Variants in ANO4 observed in about 807,000 individuals in gnomAD.
The protein encoded by ANO4 is anoctamin-4.
A neutral mutation model predicts 141.9 loss-of-function variants in ANO4; 69 were observed. That is an observed-to-expected ratio of 0.49 (90% CI 0.40 to 0.59). ANO4 has a LOEUF of 0.59. Among genes scored for constraint, ANO4 ranks in the 20% least tolerant of loss-of-function variants. ANO4 has a pLI of 0.00. For synonymous variants in ANO4, 350 were observed against 394.3 expected (o/e 0.89, Z 1.33); for missense variants, 894 against 1,162.2 (o/e 0.77, Z 3.36).
At chr12:100,958,505 G>A (rs978032008) in intron 5 of ANO4, among the ~76,000 whole-genome samples, 3 of 152,190 alleles carry the variant, frequency 2.0e-5, no homozygotes, top group Admixed American at 1.3e-4. Flanking sequence ...GAGGGAAACC[G>A]TGAACAATAA....
At position 100,865,609 on chromosome 12, in the gene ANO4, T is replaced by C. The variant is rs376740230; in HGVS notation, c.-140-36037T>C. Among the ~76,000 whole-genome samples the C allele has an allele frequency of 3.3e-5, 5 of 152,090 alleles. No homozygotes were observed. The East Asian group carries it at 9.7e-4, about 29-fold the overall frequency. Reference sequence around the variant, plus strand: ...TGCAAATCAAAAGCACAATGAGATATCATCTCATGCCAGTTAGAATGGTGA... The same window carrying C: ...TGCAAATCAAAAGCACAATGAGATACCATCTCATGCCAGTTAGAATGGTGA... On this transcript the variant is annotated intron_variant, in intron 1 of 27. Coordinates refer to ENST00000392977, the MANE Select transcript of ANO4 (RefSeq NM_001286615.2).
chr12:100,773,413 G>T (rs573640177), intron 3 of ANO4, among the ~76,000 whole-genome samples: 1 of 152,194 alleles, frequency 6.6e-6, no homozygotes, highest in Admixed American at 6.5e-5. Flanking sequence ...CATTGCACAA[G>T]AATATTTATT....
rs541866859 is a variant in ANO4 at position 101,044,770 on chromosome 12, G to A, written c.1251+1135G>A. On this transcript the variant is annotated intron_variant, in intron 13 of 27. Transcript: ENST00000392977. ...TTAGAAAGATTTGAGCTCTTATGTTGCAAGGGACAAAAAAAGCACAAAATG... is the reference window on the plus strand; with the variant it reads ...TTAGAAAGATTTGAGCTCTTATGTTACAAGGGACAAAAAAAGCACAAAATG... 3.3e-5 allele frequency among the ~76,000 whole-genome samples: 5 copies of A among 152,266 alleles called. 1 individual carries two copies. The highest frequency in any genetic ancestry group is 1.2e-4 in the African/African-American group (5 of 41,556).
At chr12:100,954,426 C>T (rs1263732829) in intron 5 of ANO4, among the ~76,000 whole-genome samples, 1 of 152,206 alleles carries the variant, frequency 6.6e-6, no homozygotes, top group African/African-American at 2.4e-5. Context: ...CCTGTAACTA[C>T]CTGCCTGAGA....
At chr12:101,005,567 G>A (rs1234917679) in intron 8 of ANO4, among the ~76,000 whole-genome samples, 1 of 152,110 alleles carries the variant, frequency 6.6e-6, no homozygotes, top group Non-Finnish European at 1.5e-5. Flanking sequence ...TCTGTAACTT[G>A]TAAGGTATGT....
intron 8 of ANO4, among the ~76,000 whole-genome samples, chr12:101,000,498 A>G (rs879389537): frequency 2.6e-5 from 4 of 152,184 alleles, no homozygotes; most frequent in Non-Finnish European, 5.9e-5. Flanking sequence ...CAGAGGTACC[A>G]AGATTGATTT....
chr12:100,747,399 C>T (rs1305192854), intron 3 of ANO4, among the ~76,000 whole-genome samples: 1 of 152,178 alleles, frequency 6.6e-6, no homozygotes, highest in East Asian at 1.9e-4. Flanking sequence ...TCCCTACACC[C>T]CACCTCTCTG....
intron 8 of ANO4, among the ~76,000 whole-genome samples, chr12:101,003,557 C>T (rs2136412857): frequency 6.6e-6 from 1 of 152,258 alleles, no homozygotes; most frequent in South Asian, 2.1e-4. Flanking sequence ...ACAGTATGCT[C>T]AGGAATACCT....
chr12:101,070,708 A>G (rs1279396773), intron 14 of ANO4, among the ~76,000 whole-genome samples: 2 of 152,174 alleles, frequency 1.3e-5, no homozygotes, highest in Admixed American at 6.5e-5. Flanking sequence ...CAAAGGAAAC[A>G]ACATGAAGAG....
Position 101,037,757 on chromosome 12 carries a change from A to C in ANO4, c.897+607A>C, listed in dbSNP as rs192955005. 1.6e-4 allele frequency among the ~76,000 whole-genome samples: 25 copies of C among 152,324 alleles called. No individual in the cohort carries two copies. The East Asian group carries it at 4.8e-3, about 29-fold the overall frequency. On this transcript the variant is annotated intron_variant, in intron 10 of 27. Coordinates refer to ENST00000392977, the MANE Select transcript of ANO4 (RefSeq NM_001286615.2). ...TTCCCCTACACCTGGGTTTTTAGGA[A>C]CATAATCCCTCATGATTATTGAGAA...
intron 1 of ANO4, among the ~76,000 whole-genome samples, chr12:100,895,561 G>GT (rs201323252): frequency 0.051 from 6,638 of 131,026 alleles, 507 homozygotes; most frequent in African/African-American, 0.16. Flanking sequence ...TCTGAGCTTT[G>GT]TTTTTTTTTT....
intron 1 of ANO4, among the ~76,000 whole-genome samples, chr12:100,857,521 A>G (rs1309943531): frequency 2.6e-5 from 4 of 152,124 alleles, no homozygotes; most frequent in Admixed American, 1.3e-4. Context: ...ACTAACTCCA[A>G]TGCAAACCCT....
intron 1 of ANO4, among the ~76,000 whole-genome samples, chr12:100,877,111 G>T (rs922362270): frequency 6.6e-6 from 1 of 152,076 alleles, no homozygotes; most frequent in African/African-American, 2.4e-5. Context: ...GATTGCCAGG[G>T]GCTGAGGGTA....
At chr12:100,880,972 A>G (rs537557781) in intron 1 of ANO4, among the ~76,000 whole-genome samples, 9 of 152,110 alleles carry the variant, frequency 5.9e-5, no homozygotes, top group Non-Finnish European at 1.0e-4. Context: ...TTCAGAGTTT[A>G]TTTATAGAAT....
At chr12:100,921,482 A>G (rs893439238) in intron 2 of ANO4, among the ~76,000 whole-genome samples, 1 of 152,152 alleles carries the variant, frequency 6.6e-6, no homozygotes, top group African/African-American at 2.4e-5. Flanking sequence ...CAGACTCCTC[A>G]AATCGGAGAC....
intron 7 of ANO4, among the ~76,000 whole-genome samples, chr12:100,978,811 G>A (rs141084956): frequency 1.1e-4 from 17 of 152,296 alleles, no homozygotes; most frequent in African/African-American, 2.6e-4. Flanking sequence ...ACTGGAAATC[G>A]AGAGGAGATA....
intron 13 of ANO4, among the ~76,000 whole-genome samples, chr12:101,045,866 C>T (rs935471499): frequency 1.3e-5 from 2 of 152,182 alleles, no homozygotes; most frequent in Non-Finnish European, 2.9e-5. Context: ...GTTTTCCTTC[C>T]CTTGTCTCCT....
chr12:100,734,197 T>A (rs2031511647), intron 2 of ANO4, among the ~76,000 whole-genome samples: 1 of 152,256 alleles, frequency 6.6e-6, no homozygotes, highest in South Asian at 2.1e-4. Context: ...AGATTTATAT[T>A]AATCTATTTT....
rs1473437517 is a variant in ANO4 at position 100,731,105 on chromosome 12, CTGAAT to C, written c.23-2665_23-2661del. Among the ~76,000 whole-genome samples, 5 of 152,300 alleles carry C rather than the reference CTGAAT, an allele frequency of 3.3e-5. No homozygotes were observed. In the East Asian group the frequency reaches 9.6e-4, roughly 29 times the overall value. ...ATCCACATTGTGTTCCCATTAAAGT[CTGAAT>C]TGATACGTTTCTAGGCACCTTTTCT... On this transcript the variant is annotated intron_variant, in intron 1 of 29. Transcript: ENST00000644049.
Sources: allele counts gnomAD v4.1 joint callset (sites outside exome capture counted in the v4.1 genomes callset), GRCh38; gene constraint gnomAD v4.1.1; transcripts MANE v1.5; gene names NCBI Gene and HGNC (gene_info 2026-07-23, HGNC 2026-07-21).